USP26: variants seen among roughly 807,000 people sequenced by gnomAD.
The protein encoded by USP26 is ubiquitin specific peptidase 26.
For synonymous variants in USP26, 236 were observed against 240.6 expected, an observed-to-expected ratio of 0.98 and a Z score of 0.18; for missense variants, 649 against 642.3, an observed-to-expected ratio of 1.01 and a Z score of -0.11.
chrX:133,043,571 C>T (rs1048350819), intron 5 of USP26, among the ~76,000 whole-genome samples: 7 of 112,506 alleles, frequency 6.2e-5, no homozygotes, highest in Non-Finnish European at 1.1e-4. Context: ...GACTAAGGAG[C>T]GCTGCCATAG....
At chrX:133,069,637 A>G (rs187142190) in intron 5 of USP26, among the ~76,000 whole-genome samples, 1 of 111,927 alleles carries the variant, frequency 8.9e-6, no homozygotes, top group Admixed American at 9.6e-5. Flanking sequence ...CAAAGATAGA[A>G]AAAAGAAAAC....
intron 5 of USP26, among the ~76,000 whole-genome samples, chrX:133,073,952 C>A (rs3891593): frequency 0.03 from 3,303 of 110,640 alleles, 76 homozygotes; most frequent in East Asian, 0.098. Context: ...TAGTTCCATT[C>A]CTCCATCTGA....
intron 5 of USP26, among the ~76,000 whole-genome samples, chrX:133,037,984 T>C (rs1322105228): frequency 9.0e-6 from 1 of 111,467 alleles, no homozygotes; most frequent in Non-Finnish European, 1.9e-5. Context: ...TATTGGTGTA[T>C]AGGAATGCTT....
chrX:133,023,761 T>C lies in USP26; in HGVS notation c.*1718A>G, dbSNP rs1218170012. Among the ~76,000 whole-genome samples, 2 of 112,005 alleles carry C rather than the reference T, an allele frequency of 1.8e-5. No individual in the cohort carries two copies. The highest frequency in any genetic ancestry group is 3.8e-5 in the Non-Finnish European group (2 of 53,179). ...AAACTTTGGAATCTGGTTTTCCTCT[T>C]ACAGGGTATTACCTACTAATAACTT... On this transcript the variant is annotated 3_prime_UTR_variant, in exon 6 of 6. Transcript: ENST00000511190.
intron 5 of USP26, among the ~76,000 whole-genome samples, chrX:133,057,866 A>ATATATACATATTTTTTTT (rs1412413450): frequency 7.5e-4 from 7 of 9,336 alleles, no homozygotes; most frequent in African/African-American, 4.6e-3. Flanking sequence ...ATATATATAT[A>ATATATACATATTTTTTTT]TTTTTTTTTT....
At chrX:133,073,055 A>T (rs1312909526) in intron 5 of USP26, among the ~76,000 whole-genome samples, 2 of 111,852 alleles carry the variant, frequency 1.8e-5, no homozygotes, top group Non-Finnish European at 3.8e-5. Flanking sequence ...TGTCAAAGAA[A>T]TTGCAATAAA....
At chrX:133,094,805 C>T (rs772157067) in intron 1 of USP26, among the ~76,000 whole-genome samples, 4 of 111,408 alleles carry the variant, frequency 3.6e-5, no homozygotes, top group African/African-American at 1.3e-4. Context: ...TTAAAAATAC[C>T]ACAAACGGGC....
At chrX:133,056,872 C>T (rs2067477294) in intron 5 of USP26, among the ~76,000 whole-genome samples, 1 of 111,351 alleles carries the variant, frequency 9.0e-6, no homozygotes, top group South Asian at 3.8e-4. Flanking sequence ...AACATGGCCC[C>T]CAAATGCATT....
At chrX:133,080,890 C>G (rs2067567761) in intron 5 of USP26, among the ~76,000 whole-genome samples, 1 of 111,720 alleles carries the variant, frequency 9.0e-6, no homozygotes, top group African/African-American at 3.3e-5. Flanking sequence ...TTCCGAACTA[C>G]TCATTTTCCA....
chrX:133,080,724 C>T (rs2067567142), intron 5 of USP26, among the ~76,000 whole-genome samples: 1 of 111,290 alleles, frequency 9.0e-6, no homozygotes, highest in Non-Finnish European at 1.9e-5. Context: ...CACCAATATC[C>T]CAACTTTGCA....
intron 5 of USP26, among the ~76,000 whole-genome samples, chrX:133,063,311 T>C (rs1451519561): frequency 9.0e-6 from 1 of 111,463 alleles, no homozygotes; most frequent in Non-Finnish European, 1.9e-5. Flanking sequence ...CACTTCAGGA[T>C]ATTATCACGG....
chrX:133,092,664 C>T (rs932147627), intron 1 of USP26, among the ~76,000 whole-genome samples: 4 of 111,634 alleles, frequency 3.6e-5, no homozygotes, highest in African/African-American at 1.3e-4. Flanking sequence ...AAGAAAAGTG[C>T]CTTCGGCCTA....
chrX:133,075,819 TAGA>T (rs200578590), intron 5 of USP26, among the ~76,000 whole-genome samples: 3 of 111,763 alleles, frequency 2.7e-5, no homozygotes, highest in East Asian at 5.6e-4. Flanking sequence ...GAAGGGAAAT[TAGA>T]AGAAGAGAAA....
Position 133,057,844 on chromosome X carries a change from T to TTATATATATA in USP26, c.-77+25853_-77+25862dup. On this transcript the variant is annotated intron_variant, in intron 5 of 5. Transcript: ENST00000511190. ...TTGGGGTCTGAGAATATACTTTACA[T>TTATATATATA]TATATATATATATATATATATATTT... Among the ~76,000 whole-genome samples, 111 of 30,656 alleles carry TTATATATATA rather than the reference T, an allele frequency of 3.6e-3. 9 individuals carry two copies. Among genetic ancestry groups the TTATATATATA allele is most frequent in the African/African-American group, 0.027 (99 of 3,711 alleles). The allele number at this position is 30,656 out of a possible 115,157, so 26.6% of individuals were successfully genotyped here.
At chrX:133,041,777 C>G (rs1283069345) in intron 5 of USP26, among the ~76,000 whole-genome samples, 1 of 112,206 alleles carries the variant, frequency 8.9e-6, no homozygotes, top group Non-Finnish European at 1.9e-5. Context: ...AGCCGGCAGG[C>G]AGGAAGGATT....
At chrX:133,047,462 C>T (rs1307419414) in intron 5 of USP26, among the ~76,000 whole-genome samples, 1 of 112,585 alleles carries the variant, frequency 8.9e-6, no homozygotes, top group Non-Finnish European at 1.9e-5. Flanking sequence ...TCTTCATTAA[C>T]ATGAGTCTAC....
intron 5 of USP26, among the ~76,000 whole-genome samples, chrX:133,078,614 A>T (rs1057475738): frequency 7.1e-5 from 8 of 112,283 alleles, no homozygotes; most frequent in Non-Finnish European, 7.5e-5. Flanking sequence ...ACTTAGGTAG[A>T]AAGGCATAAA....
chrX:133,036,587 A>G (rs748060215), intron 5 of USP26, among the ~76,000 whole-genome samples: 5 of 111,939 alleles, frequency 4.5e-5, no homozygotes, highest in Non-Finnish European at 9.4e-5. Context: ...ATCGAAGGGC[A>G]TTTGGGCTGG....
At chrX:133,095,093 C>CAAA (rs35394795) in intron 1 of USP26, among the ~76,000 whole-genome samples, 15 of 51,177 alleles carry the variant, frequency 2.9e-4, no homozygotes, top group South Asian at 1.6e-3. Context: ...AGACTCTTGT[C>CAAA]AAAAAAAAAA....
Sources: allele counts gnomAD v4.1 joint callset (sites outside exome capture counted in the v4.1 genomes callset), GRCh38; gene constraint gnomAD v4.1.1; transcripts MANE v1.5; gene names NCBI Gene and HGNC (gene_info 2026-07-23, HGNC 2026-07-21).